Variants in TMEM223 observed in about 807,000 individuals in gnomAD.
The protein encoded by TMEM223 is transmembrane protein 223.
TMEM223 carries 14 observed loss-of-function variants against 14.1 expected under a neutral mutation model. The ratio of observed to expected loss-of-function variants is 0.99; its 90% CI spans 0.66 to 1.55. The LOEUF is 1.55. TMEM223 is among the 40% of genes most tolerant of loss of function. TMEM223 has a pLI of 0.00. For missense variants in TMEM223, 346 were observed against 269.9 expected, an observed-to-expected ratio of 1.28 and a Z score of -1.97; for synonymous variants, 145 against 120.5, an observed-to-expected ratio of 1.20 and a Z score of -1.33.
At chr11:62,774,210 G>A in intron 2 of TMEM223, among the ~76,000 whole-genome samples, 1 of 152,018 alleles carries the variant, frequency 6.6e-6, no homozygotes. Context: ...CCGAGTAGCT[G>A]GGACTACAGG....
chr11:62,789,121 T>C, downstream of TMEM223: 4 of 1,614,208 alleles, frequency 2.5e-6, no homozygotes, highest in Non-Finnish European at 2.5e-6. Context: ...TGTGCTACTT[T>C]GTAGCTGGGG....
At chr11:62,786,879 G>C (rs1197915397), downstream of TMEM223, 1 of 1,573,938 alleles carries the variant, frequency 6.4e-7, no homozygotes, top group East Asian at 2.3e-5. Flanking sequence ...CGGTGCGGAA[G>C]ATGCCGCAGC....
chr11:62,785,575 C>T (rs1404148238), downstream of TMEM223, among the ~76,000 whole-genome samples: 3 of 148,922 alleles, frequency 2.0e-5, no homozygotes, highest in African/African-American at 7.5e-5. Context: ...CACTTTGCTT[C>T]CCAGGGTGGA....
At chr11:62,789,529 G>T (rs1042221460), downstream of TMEM223, 4 of 1,580,500 alleles carry the variant, frequency 2.5e-6, no homozygotes, top group African/African-American at 2.7e-5. Flanking sequence ...TCAACTCACA[G>T]GGCACTGGGC....
downstream of TMEM223, chr11:62,789,374 T>C (rs772837478): frequency 9.3e-6 from 15 of 1,613,752 alleles, no homozygotes; most frequent in East Asian, 2.9e-4. Context: ...TATCCTTCGA[T>C]TTGGCACCAG....
downstream of TMEM223, chr11:62,789,914 G>T: frequency 1.2e-6 from 2 of 1,614,076 alleles, no homozygotes; most frequent in Non-Finnish European, 1.7e-6. Context: ...TTGGTATTGT[G>T]GTGTGTGGTC....
chr11:62,778,109 T>C, intron 1 of TMEM223: 1 of 1,614,150 alleles, frequency 6.2e-7, no homozygotes, highest in Non-Finnish European at 8.5e-7. Flanking sequence ...CCAAAGGCTG[T>C]GCTGAGACAG....
At position 62,777,940 on chromosome 11, in the gene TMEM223, C is replaced by G. The variant is rs1469483126; in HGVS notation, c.315-3275G>C. ...CTGGATCCTGACGCCTGCTCCCTCC[C>G]TGGATTCAGGCTGCTCTCCAATTCC... On this transcript the variant is annotated intron_variant, in intron 1 of 2. Transcript: ENST00000528367. The G allele has an allele frequency of 2.5e-6, 4 of 1,608,506 alleles. No individual in the cohort carries two copies. In the East Asian group the frequency reaches 8.9e-5, roughly 36 times the overall value.
rs1445534946 is a variant in TMEM223 at position 62,790,744 on chromosome 11, A to G, written c.488T>C (p.Val163Ala). 3 of 1,610,790 alleles carry G rather than the reference A, an allele frequency of 1.9e-6. No homozygotes were observed. The African/African-American group carries it at 4.0e-5, about 22-fold the overall frequency. The change falls in exon 2 of 2, where the codon GTC (valine) becomes GCC (alanine). Residue 163 changes from valine to alanine, a missense_variant. Val to Ala is a moderately conservative substitution (Grantham distance 64, BLOSUM62 0). Coordinates refer to ENST00000307366, the MANE Select transcript of TMEM223 (RefSeq NM_001080501.3). The stretch of plus-strand genomic sequence containing the variant: ...GACTTTCAGAGGTAGCATGGCAGGG[A>G]CTTCACCCCGGTGGGCCATGCAAGA... ...QVSCMAHRGEVPAMLPLKVKG... is the reference protein window; with the variant it reads ...QVSCMAHRGEAPAMLPLKVKG...
At chr11:62,776,473 G>A (rs186632638) in intron 1 of TMEM223, 1 of 1,613,482 alleles carries the variant, frequency 6.2e-7, no homozygotes, top group East Asian at 2.2e-5. Context: ...GCGTGGAGGT[G>A]AGTGGGGTGC....
chr11:62,776,748 A>G (rs2084191039), intron 1 of TMEM223, among the ~76,000 whole-genome samples: 1 of 151,780 alleles, frequency 6.6e-6, no homozygotes, highest in Non-Finnish European at 1.5e-5. Flanking sequence ...CTAGTCAGGA[A>G]ACTGAGGCAT....
At chr11:62,786,185 C>A, downstream of TMEM223, 1 of 1,539,044 alleles carries the variant, frequency 6.5e-7, no homozygotes, top group Non-Finnish European at 8.9e-7. Context: ...AAAGGTAGGT[C>A]TTTCATGGGA....
chr11:62,787,609 G>T, downstream of TMEM223: 1 of 1,426,400 alleles, frequency 7.0e-7, no homozygotes, highest in Non-Finnish European at 9.2e-7. Flanking sequence ...TTCCGACCGG[G>T]CTTGCTGCTG....
chr11:62,774,284 A>G (rs893377230), intron 2 of TMEM223, among the ~76,000 whole-genome samples: 5 of 151,870 alleles, frequency 3.3e-5, no homozygotes, highest in Non-Finnish European at 5.9e-5. Flanking sequence ...CACCGTGTTA[A>G]CCAGGATGGT....
chr11:62,786,914 C>G (rs762995963), downstream of TMEM223: 1 of 1,499,430 alleles, frequency 6.7e-7, no homozygotes, highest in South Asian at 1.2e-5. Flanking sequence ...ATAGTCAGCC[C>G]GCACGGCGAC....
chr11:62,786,648 C>A (rs763884274), downstream of TMEM223: 9 of 1,604,336 alleles, frequency 5.6e-6, no homozygotes, highest in Admixed American at 1.7e-5. Context: ...AGTCGTCCTC[C>A]GGGGGCGGTG....
intron 1 of TMEM223, among the ~76,000 whole-genome samples, chr11:62,781,535 G>A (rs887652011): frequency 6.6e-6 from 1 of 151,914 alleles, no homozygotes; most frequent in Admixed American, 6.6e-5. Flanking sequence ...TTAGCCGGGT[G>A]TGGTGGCAGG....
chr11:62,777,922 C>T (rs2084198907), intron 1 of TMEM223: 1 of 1,592,200 alleles, frequency 6.3e-7, no homozygotes, highest in East Asian at 2.2e-5. Context: ...ATCCTGGATC[C>T]TGACGCCTGC....
rs115442656 is a variant in TMEM223, at chr11:62,778,138, G to A, written c.315-3473C>T. 1.7e-3 allele frequency: 2,736 copies of A among 1,614,090 alleles called. 40 individuals carry two copies. The African/African-American group carries it at 0.032, about 19-fold the overall frequency. ...GAGACAGCTGTCAGAGGTGGCTGCCGGGGTCCTGCATGGGTTGGGGATGGG... is the reference window on the plus strand; with the variant it reads ...GAGACAGCTGTCAGAGGTGGCTGCCAGGGTCCTGCATGGGTTGGGGATGGG... On this transcript the variant is annotated intron_variant, in intron 1 of 2. Coordinates refer to the TMEM223 transcript ENST00000528367.
Sources: allele counts gnomAD v4.1 joint callset (sites outside exome capture counted in the v4.1 genomes callset), GRCh38; gene constraint gnomAD v4.1.1; transcripts MANE v1.5; gene names NCBI Gene and HGNC (gene_info 2026-07-23, HGNC 2026-07-21).